Variants in SPTBN4 observed in about 807,000 individuals in gnomAD.
SPTBN4 encodes spectrin beta, non-erythrocytic 4.
SPTBN4 carries 96 observed loss-of-function variants against 277.8 expected under a neutral mutation model. The ratio of observed to expected loss-of-function variants is 0.35; its 90% CI spans 0.29 to 0.41. SPTBN4 has a LOEUF of 0.41. Ranked by LOEUF, SPTBN4 falls within the 10% of genes least tolerant of loss-of-function variation. The probability of loss-of-function intolerance (pLI) is 1.00; values close to 1 mark genes in which losing one functional copy is unlikely to be tolerated. For missense variants in SPTBN4, 3,006 were observed against 3,595.7 expected (o/e 0.84, Z 4.19); for synonymous variants, 1,481 against 1,580.3 (o/e 0.94, Z 1.49).
Position 40,513,323 on chromosome 19 carries a change from C to A in SPTBN4, c.2534C>A (p.Ala845Glu). 1 of 1,575,850 alleles carries A rather than the reference C, an allele frequency of 6.3e-7. No individual in the cohort carries two copies. Among genetic ancestry groups the A allele is most frequent in the Non-Finnish European group, 8.6e-7 (1 of 1,163,828 alleles). ...QLATLGGASG[A>E]GPLVVALQVR... ...GCGACACTCGGGGGTGCCAGTGGCG[C>A]AGGGCCACTGGTGGTGGCGCTGCAG... Residue 845 changes from alanine to glutamate, a missense_variant, in exon 14 of 36, where the codon GCA (alanine) becomes GAA (glutamate). This residue lies in a region of SPTBN4 where 1,759 missense variants were observed against 2,061.5 expected (regional missense o/e 0.85). Coordinates refer to ENST00000598249, the MANE Select transcript of SPTBN4 (RefSeq NM_020971.3).
At chr19:40,552,515 T>C (rs1212557347) in intron 22 of SPTBN4, among the ~76,000 whole-genome samples, 2 of 151,654 alleles carry the variant, frequency 1.3e-5, no homozygotes, top group Non-Finnish European at 2.9e-5. Flanking sequence ...CTAAGTACTG[T>C]CTTAGGGTTT....
At position 40,490,416 on chromosome 19, in the gene SPTBN4, CCAT is replaced by C. The variant is rs1369251541; in HGVS notation, c.495+171_495+173del. Among the ~76,000 whole-genome samples the C allele has an allele frequency of 6.6e-6, 1 of 152,186 alleles. No individual in the cohort carries two copies. Among genetic ancestry groups the C allele is most frequent in the Non-Finnish European group, 1.5e-5 (1 of 68,042 alleles). On this transcript the variant is annotated intron_variant, in intron 4 of 35. Transcript: ENST00000598249. This position sits in a 1 kb window ranked among gnomAD's most constrained non-coding sequence, Gnocchi z 4.3. ...ATAAAAATAATTGTCACGATCACCA[CCAT>C]CACGATAATCATTTTGTATCGACCC...
rs367597725 is a variant in SPTBN4, at chr19:40,556,217, G to C, written c.5218G>C (p.Glu1740Gln). 6.2e-6 allele frequency: 10 copies of C among 1,613,660 alleles called. No homozygotes were observed. The African/African-American group carries it at 1.3e-4, about 22-fold the overall frequency. ...YQLSRQVSEL[E>Q]HWIAEKEVVA... is the part of the protein sequence containing the mutation. ...GCTCAGCCGCCAGGTGAGCGAGCTTGAGCACTGGATTGCCGAGAAGGAGGT... is the reference window on the plus strand; with the variant it reads ...GCTCAGCCGCCAGGTGAGCGAGCTTCAGCACTGGATTGCCGAGAAGGAGGT... Residue 1740 changes from glutamate (E) to glutamine (Q), a missense_variant, in exon 25 of 36, where the codon GAG becomes CAG. By Grantham distance (29) the Glu-to-Gln change is conservative. Coordinates refer to ENST00000598249, the MANE Select transcript of SPTBN4 (RefSeq NM_020971.3).
At chr19:40,470,469 G>A (rs141158398) in intron 1 of SPTBN4, among the ~76,000 whole-genome samples, 2,169 of 151,918 alleles carry the variant, frequency 0.014, 57 homozygotes, top group African/African-American at 0.05. Flanking sequence ...ACCATGCCCA[G>A]CTCATTTTTG....
intron 6 of SPTBN4, among the ~76,000 whole-genome samples, chr19:40,497,005 G>A (rs1235702920): frequency 3.3e-5 from 5 of 151,050 alleles, no homozygotes; most frequent in Admixed American, 6.6e-5. Flanking sequence ...CCTCGGAGGC[G>A]GAGGTTGCAG....
At position 40,566,986 on chromosome 19, in the gene SPTBN4, AC is replaced by A. The variant is rs747443983; in HGVS notation, c.6336+628del. 438 of 271,280 alleles carry A rather than the reference AC, an allele frequency of 1.6e-3. 6 individuals carry two copies. Among genetic ancestry groups the A allele is most frequent in the Middle Eastern group, 3.6e-3 (4 of 1,120 alleles). The allele number at this position is 271,280 out of a possible 1,614,324, so 16.8% of individuals were successfully genotyped here. A position where few individuals can be genotyped will look rare whatever the true frequency, so the allele number is the denominator to read the frequency against. On this transcript the variant is annotated intron_variant, in intron 30 of 35. Transcript: ENST00000598249. ...CAACAACAACAATAAAAAAAAAACA[AC>A]AAAAAAAAACCGCTTAAAGGCTGGG...
In SPTBN4 at chr19:40,520,006, T is replaced by G; in HGVS notation, c.3509T>G (p.Leu1170Arg). 3 of 1,562,088 alleles carry G rather than the reference T, an allele frequency of 1.9e-6. No individual in the cohort carries two copies. The highest frequency in any genetic ancestry group is 2.6e-6 in the Non-Finnish European group (3 of 1,158,650). Residue 1170 changes from leucine (L) to arginine (R), a missense_variant, in exon 16 of 36, where the codon CTA becomes CGA. Coordinates refer to ENST00000598249, the MANE Select transcript of SPTBN4 (RefSeq NM_020971.3). ...GCAGAGCTGGGCCCGGGCCTGGCACTAGACGAGTGGCTGCCACACCTCGAA... is the reference window on the plus strand; with the variant it reads ...GCAGAGCTGGGCCCGGGCCTGGCACGAGACGAGTGGCTGCCACACCTCGAA... ...DGAELGPGLA[L>R]DEWLPHLELG...
intron 18 of SPTBN4, chr19:40,530,455 G>A (rs930616331): frequency 1.0e-6 from 1 of 971,792 alleles, no homozygotes; most frequent in African/African-American, 1.8e-5. Flanking sequence ...CGCGGCCGCC[G>A]CGCGGGGGCG....
intron 20 of SPTBN4, among the ~76,000 whole-genome samples, chr19:40,548,089 C>T (rs1469236534): frequency 6.6e-6 from 1 of 152,168 alleles, no homozygotes; most frequent in East Asian, 1.9e-4. Context: ...TGAATTGGCA[C>T]CTATGAAACA....
intron 5 of SPTBN4, among the ~76,000 whole-genome samples, chr19:40,493,999 T>C (rs2080166610): frequency 6.6e-6 from 1 of 152,184 alleles, no homozygotes; most frequent in African/African-American, 2.4e-5. Context: ...TTCAAAGTCC[T>C]TGGTCGCTTC....
chr19:40,547,612 T>C (rs892664212), intron 20 of SPTBN4, among the ~76,000 whole-genome samples: 1 of 152,186 alleles, frequency 6.6e-6, no homozygotes, highest in Non-Finnish European at 1.5e-5. Flanking sequence ...CACACTGTCT[T>C]CCCCAATGGT....
intron 27 of SPTBN4, among the ~76,000 whole-genome samples, chr19:40,562,646 C>T (rs755987537): frequency 1.1e-4 from 16 of 150,766 alleles, no homozygotes; most frequent in Non-Finnish European, 1.8e-4. Context: ...AGCAGCCTGA[C>T]CAACATAGAG....
At position 40,519,332 on chromosome 19, in the gene SPTBN4, G is replaced by A. The variant is rs1385894078; in HGVS notation, c.2904-69G>A. 16 of 1,408,672 alleles carry A rather than the reference G, an allele frequency of 1.1e-5. No homozygotes were observed. The highest frequency in any genetic ancestry group is 1.5e-5 in the African/African-American group (1 of 67,312). 87.3% of individuals were successfully genotyped at this position (1,408,672 alleles called of 1,614,324 possible). ...TGGCTTGGGCCTGGATTCTACCCTG[G>A]GTCGGCGGGCCCTCCGCGCCCAAGA... On this transcript the variant is annotated intron_variant, in intron 15 of 35. Coordinates refer to ENST00000598249, the MANE Select transcript of SPTBN4 (RefSeq NM_020971.3). This position sits in a 1 kb window ranked among gnomAD's most constrained non-coding sequence, Gnocchi z 5.7.
chr19:40,533,024 T>A (rs538067506), intron 19 of SPTBN4, among the ~76,000 whole-genome samples: 1 of 152,180 alleles, frequency 6.6e-6, no homozygotes, highest in African/African-American at 2.4e-5. Flanking sequence ...GTTTGTTAAA[T>A]ATTTCACTTC....
chr19:40,519,969 G>A lies in SPTBN4; in HGVS notation c.3472G>A (p.Ala1158Thr). The change falls in exon 16 of 36, where the codon GCC (alanine) becomes ACC (threonine). Residue 1158 changes from alanine to threonine, a missense_variant. Ala to Thr is a moderately conservative substitution (Grantham distance 58). Coordinates refer to ENST00000598249, the MANE Select transcript of SPTBN4 (RefSeq NM_020971.3). The surrounding 1 kb of genome is among the most constrained non-coding windows in gnomAD (Gnocchi z 5.7). Reference protein sequence around the residue: ...RIVAASEALLAADGAELGPGL... With the variant: ...RIVAASEALLTADGAELGPGL... ...CGTGGCGGCCAGCGAGGCGCTGCTG[G>A]CCGCCGACGGCGCAGAGCTGGGCCC... 1 of 1,539,326 alleles carries A rather than the reference G, an allele frequency of 6.5e-7. No homozygotes were observed. Among genetic ancestry groups the A allele is most frequent in the Admixed American group, 2.2e-5 (1 of 45,192 alleles).
chr19:40,502,943 G>T lies in SPTBN4; in HGVS notation c.1362+10G>T, dbSNP rs373069703. On this transcript the variant is annotated intron_variant, in intron 11 of 35. Coordinates refer to ENST00000598249, the MANE Select transcript of SPTBN4 (RefSeq NM_020971.3). This position sits in a 1 kb window ranked among gnomAD's most constrained non-coding sequence, Gnocchi z 4.9. ...GCGTCTGGTCTCCCAGGTACAAGGT[G>T]TAGGGCTTGGCTCCAGGGTAAAGGG... 1 of 1,612,976 alleles carries T rather than the reference G, an allele frequency of 6.2e-7. No homozygotes were observed. The highest frequency in any genetic ancestry group is 1.1e-5 in the South Asian group (1 of 91,018).
intron 2 of SPTBN4, among the ~76,000 whole-genome samples, chr19:40,479,042 G>A (rs1369566289): frequency 2.6e-5 from 4 of 152,132 alleles, no homozygotes; most frequent in South Asian, 2.1e-4. Context: ...CAAATATGAC[G>A]TAGACCACTA....
chr19:40,560,688 C>T lies in SPTBN4; in HGVS notation c.5915+285C>T. 7.0e-7 allele frequency: 1 copy of T among 1,418,554 alleles called. No individual in the cohort carries two copies. The allele number at this position is 1,418,554 out of a possible 1,614,324, so 87.9% of individuals were successfully genotyped here. A position where few individuals can be genotyped will look rare whatever the true frequency, so the allele number is the denominator to read the frequency against. On this transcript the variant is annotated intron_variant, in intron 27 of 35. Coordinates refer to ENST00000598249, the MANE Select transcript of SPTBN4 (RefSeq NM_020971.3). The surrounding 1 kb of genome is among the most constrained non-coding windows in gnomAD (Gnocchi z 5.2). ...GTCACAGCATGAAACAGGCTAAAGA[C>T]AGGATGGGCAAGGGAGGTGTGGGAC...
At chr19:40,467,501 A>C (rs897749898) in intron 1 of SPTBN4, among the ~76,000 whole-genome samples, 196 bp downstream of exon 1, 1 of 151,890 alleles carries the variant, frequency 6.6e-6, no homozygotes. Flanking sequence ...TCTTACCCCC[A>C]GGCCTTGTCC....
Sources: gnomAD v4.1 joint callset for allele counts (sites outside exome capture counted in the v4.1 genomes callset) on GRCh38, gnomAD v4.1.1 for gene constraint, gnomAD v4.1.1 regional missense constraint, Gnocchi (gnomAD v3.1) non-coding constraint, MANE v1.5 for transcripts, NCBI Gene and HGNC (gene_info 2026-07-23, HGNC 2026-07-21) for gene names.